Variants in WWOX observed in about 807,000 individuals in gnomAD.
WWOX encodes the protein WW domain containing oxidoreductase, also known as WW domain-containing oxidoreductase.
WWOX carries 69 observed loss-of-function variants against 46.2 expected under a neutral mutation model. The observed-to-expected ratio is 1.49, with a 90% CI of 1.23 to 1.82. WWOX has a LOEUF of 1.82. WWOX is among the 40% of genes most tolerant of loss of function. WWOX has a pLI of 0.00. For missense variants in WWOX, 919 were observed against 542.6 expected (o/e 1.69, Z -6.89); for synonymous variants, 359 against 202.6 (o/e 1.77, Z -6.56).
intron 8 of WWOX, among the ~76,000 whole-genome samples, chr16:78,480,686 C>T (rs11643648): frequency 0.08 from 12,251 of 152,264 alleles, 667 homozygotes; most frequent in Admixed American, 0.18. Flanking sequence ...CTCTCCAGTC[C>T]TCTGATGGTC....
chr16:78,695,815 A>G (rs1321855948), intron 8 of WWOX, among the ~76,000 whole-genome samples: 1 of 152,216 alleles, frequency 6.6e-6, no homozygotes, highest in Non-Finnish European at 1.5e-5. Flanking sequence ...CCAATATTTT[A>G]ATGTCCCATG....
chr16:78,904,369 G>C (rs2044907340), intron 8 of WWOX, among the ~76,000 whole-genome samples: 1 of 151,346 alleles, frequency 6.6e-6, no homozygotes, highest in African/African-American at 2.4e-5. Flanking sequence ...GTCCTGAGTA[G>C]CTGGGACAAG....
chr16:78,356,662 C>G (rs1012441486), intron 5 of WWOX, among the ~76,000 whole-genome samples: 11 of 152,176 alleles, frequency 7.2e-5, no homozygotes, highest in Non-Finnish European at 1.2e-4. Flanking sequence ...GCGAGTGGAT[C>G]ACGAGGTCAG....
chr16:78,308,881 G>C (rs914820308), intron 5 of WWOX, among the ~76,000 whole-genome samples: 1 of 152,056 alleles, frequency 6.6e-6, no homozygotes, highest in South Asian at 2.1e-4. Context: ...GAATCTACCT[G>C]ATACGGTTTG....
chr16:78,825,291 G>C (rs190934990), intron 8 of WWOX: 1 of 286,026 alleles, frequency 3.5e-6, no homozygotes, highest in Non-Finnish European at 7.0e-6. Flanking sequence ...ATGGCCGCGC[G>C]AATTTCCAAG....
At chr16:78,945,962 A>G (rs573338903) in intron 8 of WWOX, among the ~76,000 whole-genome samples, 3 of 152,168 alleles carry the variant, frequency 2.0e-5, no homozygotes, top group Middle Eastern at 3.4e-3. Flanking sequence ...TCTTCAGGCT[A>G]ATAATCACCT....
At chr16:79,146,977 T>G (rs949547868) in intron 8 of WWOX, among the ~76,000 whole-genome samples, 1 of 152,238 alleles carries the variant, frequency 6.6e-6, no homozygotes, top group Admixed American at 6.5e-5. Flanking sequence ...CAATGATTCC[T>G]CATATTCTTA....
At chr16:78,351,633 A>G (rs2081186166) in intron 5 of WWOX, among the ~76,000 whole-genome samples, 1 of 152,154 alleles carries the variant, frequency 6.6e-6, no homozygotes. Context: ...GCTCCTGAAT[A>G]TCAGCCCTGC....
intron 8 of WWOX, among the ~76,000 whole-genome samples, chr16:78,657,819 TTG>T (rs1208528129): frequency 1.3e-5 from 2 of 152,290 alleles, no homozygotes; most frequent in Admixed American, 1.3e-4. Context: ...TTTTGTTTTT[TTG>T]TGTGTGTGTT....
At chr16:78,721,196 C>G (rs1462652244) in intron 8 of WWOX, among the ~76,000 whole-genome samples, 1 of 152,130 alleles carries the variant, frequency 6.6e-6, no homozygotes, top group African/African-American at 2.4e-5. Context: ...TATTATAGGC[C>G]ATTATACTTT....
At chr16:78,690,262 G>C (rs1353074302) in intron 8 of WWOX, among the ~76,000 whole-genome samples, 1 of 152,144 alleles carries the variant, frequency 6.6e-6, no homozygotes, top group East Asian at 1.9e-4. Flanking sequence ...CATAAATAAT[G>C]TTTGTTGGCC....
At chr16:78,669,090 C>G (rs1026336603) in intron 8 of WWOX, among the ~76,000 whole-genome samples, 1 of 152,180 alleles carries the variant, frequency 6.6e-6, no homozygotes. Context: ...TGGAGCTAAG[C>G]AGATGGATAA....
intron 6 of WWOX, 134 bp downstream of exon 6, chr16:78,387,082 C>T (rs1003140914): frequency 3.5e-6 from 3 of 853,418 alleles, no homozygotes; most frequent in East Asian, 2.5e-5. Flanking sequence ...TTTATATTGG[C>T]CCTGTTAAGG....
chr16:78,787,297 C>T (rs2050481609), intron 8 of WWOX, among the ~76,000 whole-genome samples: 1 of 152,194 alleles, frequency 6.6e-6, no homozygotes, highest in Non-Finnish European at 1.5e-5. Flanking sequence ...GCTAAAGAAA[C>T]ACCATATCCA....
At chr16:79,209,667 C>A (rs2051648360) in intron 8 of WWOX, among the ~76,000 whole-genome samples, 1 of 152,172 alleles carries the variant, frequency 6.6e-6, no homozygotes, top group Non-Finnish European at 1.5e-5. Flanking sequence ...AACACCATCT[C>A]CACCAGAACT....
chr16:78,367,366 A>T (rs1296447278), intron 5 of WWOX, among the ~76,000 whole-genome samples: 1 of 152,056 alleles, frequency 6.6e-6, no homozygotes, highest in Non-Finnish European at 1.5e-5. Context: ...TTGCAGCCCA[A>T]CACAAATGTA....
chr16:78,950,290 G>A (rs536188706), intron 8 of WWOX, among the ~76,000 whole-genome samples: 10 of 152,156 alleles, frequency 6.6e-5, no homozygotes, highest in Admixed American at 2.6e-4. Context: ...GGAGTGGGGC[G>A]GTATTAGTCA....
intron 5 of WWOX, among the ~76,000 whole-genome samples, chr16:78,352,128 G>A (rs2081198384): frequency 6.6e-6 from 1 of 152,178 alleles, no homozygotes; most frequent in Non-Finnish European, 1.5e-5. Context: ...CTCGGCCTAT[G>A]CGATTGTGAA....
intron 8 of WWOX, among the ~76,000 whole-genome samples, chr16:78,733,291 A>G (rs551040275): frequency 1.2e-3 from 176 of 152,256 alleles, no homozygotes; most frequent in African/African-American, 4.1e-3. Flanking sequence ...CACTGTTTCT[A>G]CAAAAAATAA....
Sources: gnomAD v4.1 joint callset for allele counts (sites outside exome capture counted in the v4.1 genomes callset) on GRCh38, gnomAD v4.1.1 for gene constraint, MANE v1.5 for transcripts, NCBI Gene and HGNC (gene_info 2026-07-23, HGNC 2026-07-21) for gene names.